LACTB: variants seen among roughly 807,000 people sequenced by gnomAD.
LACTB encodes lactamase beta.
A neutral mutation model predicts 50.2 loss-of-function variants in LACTB; 35 were observed. The ratio of observed to expected loss-of-function variants is 0.70; its 90% CI spans 0.53 to 0.92. LACTB has a LOEUF of 0.92. LACTB is among the 40% of genes least tolerant of loss of function. The pLI, the probability that LACTB is intolerant of heterozygous loss-of-function variation, is 0.00. For missense variants in LACTB, 664 were observed against 691.8 expected, an observed-to-expected ratio of 0.96 and a Z score of 0.45; for synonymous variants, 252 against 268.2, an observed-to-expected ratio of 0.94 and a Z score of 0.59.
At position 63,122,478 on chromosome 15, in the gene LACTB, T is replaced by C; in HGVS notation, c.358-158T>C. ...GGGGGCGGACAGGCACATCCCTTGC[T>C]GTTAGTGAGTGACCATGGCCTGGGA... is the stretch of plus-strand genomic sequence containing the variant. On this transcript the variant is annotated intron_variant, in intron 1 of 5. Coordinates refer to ENST00000261893, the MANE Select transcript of LACTB (RefSeq NM_032857.5). 3 of 743,022 alleles carry C rather than the reference T, an allele frequency of 4.0e-6. No homozygotes were observed. The South Asian group carries it at 4.5e-5, about 11-fold the overall frequency. The allele number at this position is 743,022 out of a possible 1,614,324, so 46.0% of individuals were successfully genotyped here.
intron 5 of LACTB, among the ~76,000 whole-genome samples, chr15:63,133,968 C>G (rs527720032): frequency 2.4e-4 from 36 of 152,206 alleles, no homozygotes; most frequent in Non-Finnish European, 4.7e-4. Context: ...TCAGAAAGAA[C>G]AAAATACTTA....
chr15:63,122,505 G>T, intron 1 of LACTB, 131 bp from the exon 2 acceptor site: 4 of 802,184 alleles, frequency 5.0e-6, no homozygotes, highest in Non-Finnish European at 8.7e-6. Context: ...GGCCTGGGAC[G>T]AGGTGGGCGG....
At chr15:63,125,794 C>G (rs996677482) in intron 2 of LACTB, 1 of 151,892 alleles carries the variant, frequency 6.6e-6, no homozygotes, top group East Asian at 1.9e-4. Flanking sequence ...ATTCTCCCAC[C>G]TCAGCCTCCT....
intron 2 of LACTB, among the ~76,000 whole-genome samples, chr15:63,126,466 A>G (rs1027272703): frequency 6.6e-6 from 1 of 152,238 alleles, no homozygotes; most frequent in Non-Finnish European, 1.5e-5. Flanking sequence ...TTGAGTGGCT[A>G]TTTCAAGGAA....
chr15:63,128,059 C>A (rs1194884948), intron 4 of LACTB, among the ~76,000 whole-genome samples: 1 of 152,044 alleles, frequency 6.6e-6, no homozygotes, highest in Admixed American at 6.6e-5. Flanking sequence ...TTATTTTGTG[C>A]CTTTATTTCT....
rs1234979971 is a variant in LACTB at position 63,121,979 on chromosome 15, C to T, written c.108C>T (p.Leu36=). ...GVHQRAGLPP[L]GHGWVGGLGL... ...ATCAGCGCGCCGGGCTGCCGCCTCT[C>T]GGCCACGGCTGGGTCGGGGGCCTCG... The change falls in exon 1 of 6, where the codon CTC becomes CTT. Residue 36 remains leucine, a synonymous_variant. Transcript: ENST00000261893. 7 of 1,369,596 alleles carry T rather than the reference C, an allele frequency of 5.1e-6. No homozygotes were observed. The highest frequency in any genetic ancestry group is 6.5e-6 in the Non-Finnish European group (7 of 1,069,398). 84.8% of individuals were successfully genotyped at this position (1,369,596 alleles called of 1,614,324 possible). A position where few individuals can be genotyped will look rare whatever the true frequency, so the allele number is the denominator to read the frequency against.
intron 5 of LACTB, among the ~76,000 whole-genome samples, chr15:63,135,349 G>T (rs1267338632): frequency 6.6e-6 from 1 of 152,196 alleles, no homozygotes; most frequent in East Asian, 1.9e-4. Flanking sequence ...AATTAGATTA[G>T]CAACAAGCAA....
chr15:63,138,075 C>T (rs1890855497), intron 5 of LACTB, among the ~76,000 whole-genome samples: 1 of 152,030 alleles, frequency 6.6e-6, no homozygotes, highest in Non-Finnish European at 1.5e-5. Context: ...CCTGTAATCA[C>T]AGCACTTTGG....
chr15:63,139,195 A>AG, intron 5 of LACTB, among the ~76,000 whole-genome samples: 1 of 9,174 alleles, frequency 1.1e-4, no homozygotes, highest in African/African-American at 3.0e-4. Context: ...CTAAAAATCC[A>AG]AAAAAAAAAA....
At chr15:63,123,675 G>T (rs2037008901) in intron 2 of LACTB, among the ~76,000 whole-genome samples, 1 of 152,254 alleles carries the variant, frequency 6.6e-6, no homozygotes, top group East Asian at 1.9e-4. Context: ...AGGTCACGTG[G>T]GTCACGTGTC....
In LACTB at chr15:63,141,931, A is replaced by G; in HGVS notation, c.*126A>G. The G allele has an allele frequency of 2.8e-6, 2 of 720,292 alleles. No homozygotes were observed. The highest frequency in any genetic ancestry group is 5.4e-5 in the East Asian group (2 of 36,746). 44.6% of individuals were successfully genotyped at this position (720,292 alleles called of 1,614,324 possible). A position where few individuals can be genotyped will look rare whatever the true frequency, so the allele number is the denominator to read the frequency against. The stretch of plus-strand genomic sequence containing the variant: ...TATAACTGAATGCAGAGAATTATGT[A>G]CCTCTAATTGCTTAATTTTGTAATG... On this transcript the variant is annotated 3_prime_UTR_variant, in exon 6 of 6. Coordinates refer to ENST00000261893, the MANE Select transcript of LACTB (RefSeq NM_032857.5).
chr15:63,136,305 G>A (rs2037176834), intron 5 of LACTB, among the ~76,000 whole-genome samples: 1 of 152,102 alleles, frequency 6.6e-6, no homozygotes, highest in South Asian at 2.1e-4. Context: ...CCAAAGTGTT[G>A]GGATTACAGG....
chr15:63,122,570 C>T (rs2036990784), intron 1 of LACTB, 66 bp from the exon 2 acceptor site: 3 of 1,308,368 alleles, frequency 2.3e-6, no homozygotes, highest in Admixed American at 1.7e-5. Flanking sequence ...TTGGAAGGTC[C>T]CCGAGGAGAG....
At chr15:63,135,814 T>A (rs991112468) in intron 5 of LACTB, among the ~76,000 whole-genome samples, 2 of 152,180 alleles carry the variant, frequency 1.3e-5, no homozygotes, top group Non-Finnish European at 2.9e-5. Flanking sequence ...ATGATTTAGA[T>A]CTAGACATCT....
chr15:63,137,413 G>T (rs977817724), intron 5 of LACTB, among the ~76,000 whole-genome samples: 9 of 152,054 alleles, frequency 5.9e-5, no homozygotes, highest in Non-Finnish European at 8.8e-5. Context: ...TAACTAGATG[G>T]GATGAAAACC....
In LACTB at chr15:63,139,198, A is replaced by G. The variant is rs868027664; in HGVS notation, c.1119-2082A>G. The stretch of plus-strand genomic sequence containing the variant: ...GCCCCGTCTCTACTAAAAATCCAAA[A>G]AAAAAAAAAAAAAAAAAATTAGCTG... On this transcript the variant is annotated intron_variant, in intron 5 of 5. Coordinates refer to ENST00000261893, the MANE Select transcript of LACTB (RefSeq NM_032857.5). Among the ~76,000 whole-genome samples the G allele has an allele frequency of 1.3e-3, 172 of 135,680 alleles. 3 individuals are homozygous for G. The highest frequency in any genetic ancestry group is 5.0e-3 in the African/African-American group (168 of 33,666). 89.0% of individuals were successfully genotyped at this position (135,680 alleles called of 152,430 possible). A position where few individuals can be genotyped will look rare whatever the true frequency, so the allele number is the denominator to read the frequency against.
intron 3 of LACTB, 143 bp downstream of exon 3, chr15:63,127,192 A>C: frequency 1.1e-6 from 1 of 908,094 alleles, no homozygotes; most frequent in Non-Finnish European, 1.6e-6. Flanking sequence ...GATGATAATC[A>C]GGTAGGTATT....
At chr15:63,124,293 C>A (rs1339376493) in intron 2 of LACTB, among the ~76,000 whole-genome samples, 1 of 64,120 alleles carries the variant, frequency 1.6e-5, no homozygotes, top group Non-Finnish European at 3.6e-5. Context: ...CTAATTGCTA[C>A]AAACTAATAA....
Position 63,121,991 on chromosome 15 carries a change from G to C in LACTB, c.120G>C (p.Trp40Cys), listed in dbSNP as rs768408264. 8.0e-6 allele frequency: 11 copies of C among 1,369,906 alleles called. No individual in the cohort carries two copies. Among genetic ancestry groups the C allele is most frequent in the South Asian group, 1.8e-5 (1 of 57,110 alleles). The allele number at this position is 1,369,906 out of a possible 1,614,324, so 84.9% of individuals were successfully genotyped here. Residue 40 changes from tryptophan (W) to cysteine (C), a missense_variant, in exon 1 of 6, where the codon TGG (tryptophan) becomes TGC (cysteine). Physicochemically the swap from Trp to Cys is radical, Grantham distance 215 (BLOSUM62 -2). Coordinates refer to ENST00000261893, the MANE Select transcript of LACTB (RefSeq NM_032857.5). ...RAGLPPLGHG[W>C]VGGLGLGLGL... is the part of the protein sequence containing the mutation. ...GGCTGCCGCCTCTCGGCCACGGCTG[G>C]GTCGGGGGCCTCGGGCTGGGGCTGG...
Sources: gnomAD v4.1 joint callset for allele counts (sites outside exome capture counted in the v4.1 genomes callset) on GRCh38, gnomAD v4.1.1 for gene constraint, MANE v1.5 for transcripts, NCBI Gene and HGNC (gene_info 2026-07-23, HGNC 2026-07-21) for gene names.